Variants in PPARGC1A observed in about 807,000 individuals in gnomAD.
PPARGC1A encodes PPARG coactivator 1 alpha.
PPARGC1A carries 25 observed loss-of-function variants against 88.7 expected under a neutral mutation model. That is an observed-to-expected ratio of 0.28 (90% confidence interval 0.21 to 0.39). PPARGC1A has a LOEUF of 0.39. Ranked by LOEUF, PPARGC1A falls within the 10% of genes least tolerant of loss-of-function variation. The probability of loss-of-function intolerance (pLI) is 1.00; values close to 1 mark genes in which losing one functional copy is unlikely to be tolerated. For missense variants in PPARGC1A, 880 were observed against 968.7 expected, an observed-to-expected ratio of 0.91 and a Z score of 1.22; for synonymous variants, 363 against 355.6, an observed-to-expected ratio of 1.02 and a Z score of -0.24.
chr4:24,471,816 C>T, the PPARGC1A span, among the ~76,000 whole-genome samples: 1 of 152,194 alleles, frequency 6.6e-6, no homozygotes, highest in Admixed American at 6.5e-5. This position sits in a 1 kb window ranked among gnomAD's most constrained non-coding sequence, Gnocchi z 5.4. Flanking sequence ...GCGGAGGCTC[C>T]ACTCTGCACC....
intron 2 of PPARGC1A, among the ~76,000 whole-genome samples, chr4:23,835,607 A>T (rs905025458): frequency 2.0e-5 from 3 of 152,030 alleles, no homozygotes; most frequent in Non-Finnish European, 4.4e-5. Context: ...ATTATTCGAT[A>T]TTATTGTTAT....
the PPARGC1A span, among the ~76,000 whole-genome samples, chr4:24,096,179 C>T: frequency 6.6e-6 from 1 of 152,142 alleles, no homozygotes; most frequent in Admixed American, 6.5e-5. Flanking sequence ...CTCTCTTCCG[C>T]CACCATGCGA....
At chr4:24,107,325 GA>G in the PPARGC1A span, among the ~76,000 whole-genome samples, 314 of 152,266 alleles carry the variant, frequency 2.1e-3, 1 homozygote, top group Non-Finnish European at 3.8e-3. Context: ...ACCGAGTTGT[GA>G]GTTGGGTACA....
At chr4:24,163,117 A>C in the PPARGC1A span, among the ~76,000 whole-genome samples, 1 of 150,326 alleles carries the variant, frequency 6.7e-6, no homozygotes, top group African/African-American at 2.5e-5. Flanking sequence ...TTATTTCTCA[A>C]AAATACAGGA....
chr4:24,324,233 C>T, the PPARGC1A span, among the ~76,000 whole-genome samples: 1 of 151,280 alleles, frequency 6.6e-6, no homozygotes, highest in Admixed American at 6.6e-5. Flanking sequence ...GTCTCTACCC[C>T]TTCTCTGCCT....
the PPARGC1A span, among the ~76,000 whole-genome samples, chr4:24,190,753 A>G: frequency 6.6e-6 from 1 of 152,124 alleles, no homozygotes; most frequent in Non-Finnish European, 1.5e-5. Context: ...GGCATTTTCA[A>G]TTCTACCAGC....
At chr4:24,467,731 C>T in the PPARGC1A span, among the ~76,000 whole-genome samples, 1 of 151,808 alleles carries the variant, frequency 6.6e-6, no homozygotes, top group African/African-American at 2.4e-5. Context: ...TGATTCTGCA[C>T]TGAAACTTCT....
chr4:23,911,428 C>G, the PPARGC1A span, among the ~76,000 whole-genome samples: 1 of 152,096 alleles, frequency 6.6e-6, no homozygotes, highest in South Asian at 2.1e-4. Flanking sequence ...ATATGCATCC[C>G]CATGGTTTAT....
At chr4:24,316,655 G>T in the PPARGC1A span, among the ~76,000 whole-genome samples, 2 of 152,350 alleles carry the variant, frequency 1.3e-5, no homozygotes, top group African/African-American at 2.4e-5. Context: ...ATTTACTCAT[G>T]CAAGACCTTG....
the PPARGC1A span, among the ~76,000 whole-genome samples, chr4:24,237,775 T>G: frequency 1.3e-5 from 2 of 152,162 alleles, no homozygotes; most frequent in African/African-American, 4.8e-5. Flanking sequence ...GGCAACAACT[T>G]TATAGGCGGA....
At chr4:24,122,977 C>T in the PPARGC1A span, among the ~76,000 whole-genome samples, 1 of 152,202 alleles carries the variant, frequency 6.6e-6, no homozygotes, top group Middle Eastern at 3.4e-3. Flanking sequence ...CCCTTCAGCC[C>T]CAGTTCTCAA....
chr4:24,205,840 T>C, the PPARGC1A span, among the ~76,000 whole-genome samples: 3 of 152,230 alleles, frequency 2.0e-5, no homozygotes, highest in Admixed American at 2.0e-4. Flanking sequence ...TAATAAACTA[T>C]ACATTTTCTG....
the PPARGC1A span, among the ~76,000 whole-genome samples, chr4:23,996,202 T>C: frequency 6.6e-6 from 1 of 152,122 alleles, no homozygotes; most frequent in Non-Finnish European, 1.5e-5. Flanking sequence ...CTGGTACTTT[T>C]CCTATGTTTT....
chr4:23,921,945 C>T, the PPARGC1A span, among the ~76,000 whole-genome samples: 1 of 152,164 alleles, frequency 6.6e-6, no homozygotes, highest in African/African-American at 2.4e-5. Context: ...TACCCAGGGA[C>T]AGAGAATAAT....
chr4:24,278,307 T>C, the PPARGC1A span, among the ~76,000 whole-genome samples: 2 of 152,200 alleles, frequency 1.3e-5, no homozygotes, highest in Non-Finnish European at 2.9e-5. Flanking sequence ...TCAAGGGGTG[T>C]TATAAGCACC....
chr4:24,346,822 G>T, the PPARGC1A span, among the ~76,000 whole-genome samples: 1 of 151,882 alleles, frequency 6.6e-6, no homozygotes, highest in African/African-American at 2.4e-5. Context: ...GTTTGGGTTT[G>T]GTTTGTTCTT....
chr4:24,014,092 A>G, the PPARGC1A span, among the ~76,000 whole-genome samples: 8 of 152,214 alleles, frequency 5.3e-5, no homozygotes. Flanking sequence ...CCTAGCATCA[A>G]ATGCCTGGTA....
chr4:24,026,607 C>T, the PPARGC1A span, among the ~76,000 whole-genome samples: 40 of 152,220 alleles, frequency 2.6e-4, no homozygotes, highest in Middle Eastern at 3.4e-3. Flanking sequence ...ATAAAGGAGT[C>T]ACCACCAACA....
At chr4:24,225,525 G>A in the PPARGC1A span, among the ~76,000 whole-genome samples, 12 of 147,200 alleles carry the variant, frequency 8.2e-5, no homozygotes, top group African/African-American at 2.5e-4. Flanking sequence ...GCGAGACTCC[G>A]TCTCAAAAAA....
Sources: gnomAD v4.1 joint callset for allele counts (sites outside exome capture counted in the v4.1 genomes callset) on GRCh38, gnomAD v4.1.1 for gene constraint, Gnocchi (gnomAD v3.1) non-coding constraint, MANE v1.5 for transcripts, NCBI Gene and HGNC (gene_info 2026-07-23, HGNC 2026-07-21) for gene names.